CDH13: variants seen among roughly 807,000 people sequenced by gnomAD.
The protein encoded by CDH13 is cadherin 13.
CDH13 carries 24 observed loss-of-function variants against 63.8 expected under a neutral mutation model. The observed-to-expected ratio is 0.38, with a 90% CI of 0.27 to 0.53. The LOEUF is 0.53. Among genes scored for constraint, CDH13 ranks in the 20% least tolerant of loss-of-function variants. CDH13 has a pLI of 0.85. For missense variants in CDH13, 1,049 were observed against 903.1 expected (o/e 1.16, Z -2.07); for synonymous variants, 503 against 355.3 (o/e 1.42, Z -4.67).
chr16:83,610,511 C>T, intron 8 of CDH13, among the ~76,000 whole-genome samples: 1 of 152,148 alleles, frequency 6.6e-6, no homozygotes. Flanking sequence ...AGTCCCACCA[C>T]CTGCTCGGTA....
chr16:83,268,159 T>C (rs933510093), intron 5 of CDH13, among the ~76,000 whole-genome samples: 1 of 152,198 alleles, frequency 6.6e-6, no homozygotes, highest in African/African-American at 2.4e-5. Flanking sequence ...ATCATAGTAA[T>C]TGACATAATT....
At chr16:83,033,438 G>C (rs1458691045) in intron 3 of CDH13, among the ~76,000 whole-genome samples, 1 of 151,974 alleles carries the variant, frequency 6.6e-6, no homozygotes, top group Non-Finnish European at 1.5e-5. Flanking sequence ...ATGACTTTTG[G>C]TGACTTCAGT....
chr16:83,126,991 G>A (rs188230708), intron 4 of CDH13, among the ~76,000 whole-genome samples: 24 of 152,264 alleles, frequency 1.6e-4, no homozygotes, highest in Admixed American at 1.4e-3. Context: ...GAATCTTCAC[G>A]CAGATGGCTG....
intron 8 of CDH13, among the ~76,000 whole-genome samples, chr16:83,659,273 A>G (rs1242938740): frequency 2.7e-5 from 4 of 146,888 alleles, no homozygotes; most frequent in Non-Finnish European, 4.5e-5. Flanking sequence ...CCTCACCAGC[A>G]AGGTCTCATG....
chr16:83,340,672 C>G (rs565716413), intron 5 of CDH13, among the ~76,000 whole-genome samples: 8 of 152,128 alleles, frequency 5.3e-5, no homozygotes, highest in Non-Finnish European at 1.2e-4. Flanking sequence ...TAACCAGCTC[C>G]TGGGGGATGC....
intron 1 of CDH13, among the ~76,000 whole-genome samples, chr16:82,657,589 T>C (rs1911445732): frequency 6.6e-6 from 1 of 152,240 alleles, no homozygotes; most frequent in South Asian, 2.1e-4. Flanking sequence ...AGTAAAACTG[T>C]AGAAAGCAAA....
chr16:82,826,624 T>TA (rs1219561577), intron 1 of CDH13: 1 of 152,158 alleles, frequency 6.6e-6, no homozygotes, highest in East Asian at 1.9e-4. Context: ...TTGAAGCACT[T>TA]ACGGGGGGAA....
intron 4 of CDH13, among the ~76,000 whole-genome samples, chr16:83,142,604 C>T (rs2036580696): frequency 6.6e-6 from 1 of 152,178 alleles, no homozygotes; most frequent in African/African-American, 2.4e-5. Flanking sequence ...TTCTCCAGAG[C>T]ACTGATCACA....
chr16:83,183,103 C>G (rs1309910591), intron 4 of CDH13, among the ~76,000 whole-genome samples: 1 of 152,112 alleles, frequency 6.6e-6, no homozygotes, highest in African/African-American at 2.4e-5. Flanking sequence ...CAGACTTTAT[C>G]TTAAGAGTCG....
chr16:83,765,849 A>C (rs1259410858), intron 11 of CDH13, among the ~76,000 whole-genome samples: 1 of 151,606 alleles, frequency 6.6e-6, no homozygotes, highest in Non-Finnish European at 1.5e-5. Flanking sequence ...GCTCACTCTC[A>C]GTTTTAAAGC....
At chr16:83,093,001 G>A (rs1202532607) in intron 3 of CDH13, among the ~76,000 whole-genome samples, 3 of 152,160 alleles carry the variant, frequency 2.0e-5, no homozygotes, top group South Asian at 2.1e-4. Context: ...ATCTACTAAT[G>A]AAAATGTGAG....
chr16:82,755,727 CA>C lies in CDH13; in HGVS notation c.46-102631del, dbSNP rs1446267788. On this transcript the variant is annotated intron_variant, in intron 1 of 13. Coordinates refer to ENST00000567109, the MANE Select transcript of CDH13 (RefSeq NM_001257.5). Reference sequence around the variant, plus strand: ...GTCTATGAGCAAAACTGAACCAAACCAAAACAAGAACTAAACTAGAATCCGT... The same window carrying C: ...GTCTATGAGCAAAACTGAACCAAACCAAACAAGAACTAAACTAGAATCCGT... 4.6e-5 allele frequency among the ~76,000 whole-genome samples: 7 copies of C among 152,108 alleles called. No individual in the cohort carries two copies. The East Asian group carries it at 1.3e-3, about 29-fold the overall frequency.
chr16:82,921,686 G>C (rs1597217417), intron 2 of CDH13, among the ~76,000 whole-genome samples: 1 of 152,224 alleles, frequency 6.6e-6, no homozygotes, highest in African/African-American at 2.4e-5. Flanking sequence ...ATATTCCTGA[G>C]AGATATTGGT....
At chr16:83,668,582 G>A (rs142438803) in intron 8 of CDH13, among the ~76,000 whole-genome samples, 11 of 152,334 alleles carry the variant, frequency 7.2e-5, no homozygotes, top group Non-Finnish European at 1.3e-4. Flanking sequence ...ACTTTGATAA[G>A]CAGGGGCAGA....
intron 5 of CDH13, 89 bp from the exon 6 acceptor site, chr16:83,344,773 G>A (rs538958564): frequency 3.4e-4 from 484 of 1,426,892 alleles, no homozygotes; most frequent in Non-Finnish European, 4.3e-4. Flanking sequence ...TAAAATTGTC[G>A]ATATAACCTA....
chr16:83,217,642 A>T lies in CDH13; in HGVS notation c.636+145A>T, dbSNP rs2039578068. The T allele has an allele frequency of 3.8e-6, 3 of 794,158 alleles. No individual in the cohort carries two copies. The Admixed American group carries it at 8.2e-5, about 22-fold the overall frequency. The allele number at this position is 794,158 out of a possible 1,614,324, so 49.2% of individuals were successfully genotyped here. A position where few individuals can be genotyped will look rare whatever the true frequency, so the allele number is the denominator to read the frequency against. On this transcript the variant is annotated intron_variant, in intron 5 of 13. Coordinates refer to ENST00000567109, the MANE Select transcript of CDH13 (RefSeq NM_001257.5). ...GGTGTTTCTGTGGGAGCTGAAGTGG[A>T]TGGAATTGAACCCTGACAGGGCAAC...
intron 2 of CDH13, among the ~76,000 whole-genome samples, chr16:82,973,234 C>T (rs976078586): frequency 3.9e-5 from 6 of 152,184 alleles, no homozygotes; most frequent in Non-Finnish European, 5.9e-5. Flanking sequence ...GGCATTTTGT[C>T]TGGAGAAGTT....
chr16:82,939,586 G>T (rs1373244721), intron 2 of CDH13, among the ~76,000 whole-genome samples: 1 of 152,060 alleles, frequency 6.6e-6, no homozygotes, highest in Non-Finnish European at 1.5e-5. Context: ...TTTCAAGTAT[G>T]GGTTAGATAT....
chr16:82,685,001 G>A (rs987036135), intron 1 of CDH13, among the ~76,000 whole-genome samples: 1 of 150,770 alleles, frequency 6.6e-6, no homozygotes, highest in Non-Finnish European at 1.5e-5. Flanking sequence ...GCCAAGGTGG[G>A]CACCACTTGA....
Sources: allele counts gnomAD v4.1 joint callset (sites outside exome capture counted in the v4.1 genomes callset), GRCh38; gene constraint gnomAD v4.1.1; transcripts MANE v1.5; gene names NCBI Gene and HGNC (gene_info 2026-07-23, HGNC 2026-07-21).